The following STXBP5L variants were observed in gnomAD, a reference collection of about 807,000 sequenced individuals.
STXBP5L encodes the protein syntaxin binding protein 5L, also known as syntaxin-binding protein 5-like.
Under a neutral mutation model 144.5 loss-of-function variants are expected in STXBP5L, and 65 were observed. The observed-to-expected ratio is 0.45, with a 90% CI of 0.37 to 0.55. The LOEUF (loss-of-function observed/expected upper bound fraction) is 0.55, where lower values mean the gene tolerates loss of function less well. STXBP5L is among the 20% of genes least tolerant of loss of function. The pLI is 0.00. For missense variants in STXBP5L, 1,298 were observed against 1,405.5 expected, an observed-to-expected ratio of 0.92 and a Z score of 1.22; for synonymous variants, 505 against 469.6, an observed-to-expected ratio of 1.08 and a Z score of -0.97.
intron 7 of STXBP5L, among the ~76,000 whole-genome samples, chr3:121,142,254 T>C (rs2045539542): frequency 1.3e-5 from 2 of 151,952 alleles, no homozygotes. Flanking sequence ...CACCTAAATA[T>C]ATAAGGCAAA....
intron 10 of STXBP5L, among the ~76,000 whole-genome samples, chr3:121,211,602 CAG>C (rs1429810180): frequency 2.0e-5 from 2 of 101,208 alleles, no homozygotes; most frequent in African/African-American, 8.0e-5. Flanking sequence ...TTTTTTGAGA[CAG>C]AGTCTCGCTC....
intron 9 of STXBP5L, among the ~76,000 whole-genome samples, chr3:121,187,207 A>T (rs2108137978): frequency 6.6e-6 from 1 of 152,316 alleles, no homozygotes; most frequent in Non-Finnish European, 1.5e-5. Context: ...TACACCATGG[A>T]ATACTATGCA....
chr3:121,103,347 A>G (rs1209685281), intron 5 of STXBP5L, among the ~76,000 whole-genome samples: 5 of 152,212 alleles, frequency 3.3e-5, no homozygotes, highest in African/African-American at 1.2e-4. Context: ...ACTACAGAGT[A>G]TTATGCAGCC....
intron 20 of STXBP5L, among the ~76,000 whole-genome samples, chr3:121,340,529 T>C (rs1401114507): frequency 7.7e-6 from 1 of 129,432 alleles, no homozygotes; most frequent in Non-Finnish European, 1.6e-5. Flanking sequence ...CCCCGCCCCA[T>C]GTCCATATGT....
At chr3:121,049,604 T>C (rs914751610) in intron 5 of STXBP5L, 1 of 154,356 alleles carries the variant, frequency 6.5e-6, no homozygotes, top group East Asian at 1.9e-4. Flanking sequence ...GATCCGAGAA[T>C]TCTGGTAGGG....
intron 19 of STXBP5L, among the ~76,000 whole-genome samples, chr3:121,316,508 A>G (rs1559968772): frequency 6.6e-6 from 1 of 152,148 alleles, no homozygotes; most frequent in Non-Finnish European, 1.5e-5. Flanking sequence ...TAGCTGTTTA[A>G]CTTTGGAGAA....
chr3:120,981,290 A>T (rs1941745434), intron 3 of STXBP5L, among the ~76,000 whole-genome samples: 1 of 152,086 alleles, frequency 6.6e-6, no homozygotes, highest in Admixed American at 6.5e-5. Flanking sequence ...TATTCCCTCA[A>T]TTTTTTTAAT....
At chr3:121,115,390 T>C (rs918251930) in intron 6 of STXBP5L, among the ~76,000 whole-genome samples, 7 of 152,186 alleles carry the variant, frequency 4.6e-5, no homozygotes, top group African/African-American at 7.2e-5. Flanking sequence ...AATTGTGTTA[T>C]GTAAAAATAA....
chr3:121,322,820 T>C (rs1305966112), intron 20 of STXBP5L, among the ~76,000 whole-genome samples: 2 of 152,198 alleles, frequency 1.3e-5, no homozygotes, highest in Non-Finnish European at 2.9e-5. Flanking sequence ...CAACAATATA[T>C]AAGTGTTCCC....
chr3:121,189,220 GT>G (rs1186531799), intron 9 of STXBP5L, among the ~76,000 whole-genome samples: 18 of 152,098 alleles, frequency 1.2e-4, no homozygotes, highest in African/African-American at 4.1e-4. Context: ...AAGCTCTTTA[GT>G]TTAATTAGAT....
intron 2 of STXBP5L, among the ~76,000 whole-genome samples, chr3:120,921,437 C>T (rs1484079451): frequency 2.0e-5 from 3 of 151,622 alleles, no homozygotes. Flanking sequence ...GTCTCTTTAC[C>T]TTGTTGATGG....
At chr3:121,086,185 C>A (rs1360039208) in intron 5 of STXBP5L, among the ~76,000 whole-genome samples, 1 of 151,816 alleles carries the variant, frequency 6.6e-6, no homozygotes, top group Non-Finnish European at 1.5e-5. Context: ...AGACTTTTTT[C>A]TTTTTAAATG....
intron 5 of STXBP5L, among the ~76,000 whole-genome samples, chr3:121,108,776 T>A (rs2043835968): frequency 6.6e-6 from 1 of 152,188 alleles, no homozygotes; most frequent in South Asian, 2.1e-4. Context: ...TGAAGTAGTT[T>A]CAGAATAAAT....
Position 120,999,904 on chromosome 3 carries a change from A to T in STXBP5L, c.288-41796A>T, listed in dbSNP as rs566778932. Among the ~76,000 whole-genome samples, 5 of 152,182 alleles carry T rather than the reference A, an allele frequency of 3.3e-5. No homozygotes were observed. In the South Asian group the frequency reaches 1.0e-3, roughly 32 times the overall value. On this transcript the variant is annotated intron_variant, in intron 3 of 26. Transcript: ENST00000471454. ...GTGGGATATGAAATTTGTGATTGAC[A>T]TTTCTTTTCTTTAATGATGTTGAAT...
At chr3:121,190,847 C>A (rs1387908473) in intron 9 of STXBP5L, among the ~76,000 whole-genome samples, 2 of 151,500 alleles carry the variant, frequency 1.3e-5, no homozygotes, top group Non-Finnish European at 2.9e-5. Context: ...AGAGATGCTC[C>A]TCACCTCCCA....
chr3:121,217,064 G>T (rs2048802673), intron 10 of STXBP5L, among the ~76,000 whole-genome samples: 1 of 152,182 alleles, frequency 6.6e-6, no homozygotes, highest in African/African-American at 2.4e-5. Context: ...ATCGACCTCA[G>T]ACTGCCGTGC....
rs554107708 is a variant in STXBP5L, at chr3:121,136,077, G to A, written c.669+14373G>A. 1.8e-4 allele frequency among the ~76,000 whole-genome samples: 28 copies of A among 152,266 alleles called. 1 individual carries two copies. The highest frequency in any genetic ancestry group is 1.2e-3 in the South Asian group (6 of 4,824). On this transcript the variant is annotated intron_variant, in intron 7 of 26. Transcript: ENST00000471454. ...GTGGCAGGCAGATTATAGCTGCTGC[G>A]GGCCTTAGGCATGCCCTGGTGCCAT... is the stretch of plus-strand genomic sequence containing the variant.
intron 19 of STXBP5L, among the ~76,000 whole-genome samples, chr3:121,309,218 T>A (rs1029534108): frequency 2.0e-5 from 3 of 152,224 alleles, no homozygotes; most frequent in African/African-American, 7.2e-5. Context: ...GTGAGACTTT[T>A]TTTTAAAAAA....
At chr3:121,001,947 C>T (rs762813371) in intron 3 of STXBP5L, among the ~76,000 whole-genome samples, 34 of 152,150 alleles carry the variant, frequency 2.2e-4, no homozygotes, top group Admixed American at 3.3e-4. Context: ...ATTTTTTTAT[C>T]CATTCATCCA....
Sources: allele counts gnomAD v4.1 joint callset (sites outside exome capture counted in the v4.1 genomes callset), GRCh38; gene constraint gnomAD v4.1.1; transcripts MANE v1.5; gene names NCBI Gene and HGNC (gene_info 2026-07-23, HGNC 2026-07-21).